DLG2: variants seen among roughly 807,000 people sequenced by gnomAD.
DLG2 encodes the protein disks large homolog 2.
A neutral mutation model predicts 132.5 loss-of-function variants in DLG2; 45 were observed. That is an observed-to-expected ratio of 0.34 (90% CI 0.27 to 0.44). The LOEUF is 0.44. Among genes scored for constraint, DLG2 ranks in the 20% least tolerant of loss-of-function variants. DLG2 has a pLI of 1.00. For synonymous variants in DLG2, 424 were observed against 419.6 expected, an observed-to-expected ratio of 1.01 and a Z score of -0.13; for missense variants, 1,045 against 1,196.9, an observed-to-expected ratio of 0.87 and a Z score of 1.87.
At chr11:85,431,292 G>A (rs1169668481) in intron 3 of DLG2, among the ~76,000 whole-genome samples, 5 of 152,066 alleles carry the variant, frequency 3.3e-5, no homozygotes, top group Non-Finnish European at 7.4e-5. Flanking sequence ...TGGTGCAGTG[G>A]ACCACCTGAG....
intron 6 of DLG2, among the ~76,000 whole-genome samples, chr11:84,742,607 G>C (rs2064832381): frequency 6.6e-6 from 1 of 152,104 alleles, no homozygotes; most frequent in South Asian, 2.1e-4. Context: ...ATCCTCACCA[G>C]AATGTTATAT....
chr11:84,818,499 TTCTTACATTAAATATA>T (rs1317685191), intron 6 of DLG2, among the ~76,000 whole-genome samples: 3 of 151,634 alleles, frequency 2.0e-5, no homozygotes, highest in Non-Finnish European at 4.4e-5. Flanking sequence ...CAATAAATAT[TTCTTACATTAAATATA>T]TTATATAAAT....
At chr11:85,009,226 T>C (rs1432325171) in intron 6 of DLG2, among the ~76,000 whole-genome samples, 4 of 152,050 alleles carry the variant, frequency 2.6e-5, no homozygotes, top group Admixed American at 6.6e-5. Context: ...AGACCTATTA[T>C]AACCAGCCCA....
At position 83,586,257 on chromosome 11, in the gene DLG2, C is replaced by T. The variant is rs540953476; in HGVS notation, c.1941-44399G>A. ...ATTTGTGTGGAGTAAACTTAAGTGT[C>T]ATTCTGTGCCCACTATGTTTACCAA... On this transcript the variant is annotated intron_variant, in intron 19 of 27. Transcript: ENST00000376104. Among the ~76,000 whole-genome samples the T allele has an allele frequency of 5.3e-5, 8 of 152,352 alleles. No homozygotes were observed. In the South Asian group the frequency reaches 1.7e-3, roughly 32 times the overall value.
chr11:85,195,637 C>A (rs1387346703), intron 4 of DLG2, among the ~76,000 whole-genome samples: 1 of 151,548 alleles, frequency 6.6e-6, no homozygotes, highest in Non-Finnish European at 1.5e-5. Context: ...CATTCTCCTG[C>A]CTCAGCCTCC....
At chr11:84,132,134 C>T (rs1305563704) in intron 9 of DLG2, among the ~76,000 whole-genome samples, 1 of 151,926 alleles carries the variant, frequency 6.6e-6, no homozygotes, top group Non-Finnish European at 1.5e-5. Context: ...AAAAGCAGGG[C>T]ATGACCTGTT....
intron 3 of DLG2, among the ~76,000 whole-genome samples, chr11:85,328,988 A>T (rs1391714730): frequency 3.4e-4 from 42 of 123,032 alleles, no homozygotes; most frequent in African/African-American, 1.2e-3. Flanking sequence ...ACAACAGACA[A>T]ACAGAGAGCC....
intron 8 of DLG2, among the ~76,000 whole-genome samples, chr11:84,170,266 T>A (rs1342824733): frequency 6.6e-6 from 1 of 152,146 alleles, no homozygotes; most frequent in Non-Finnish European, 1.5e-5. Context: ...CTCAGGAAAT[T>A]TTTGCAAATT....
intron 7 of DLG2, among the ~76,000 whole-genome samples, chr11:84,286,421 T>G (rs2097910651): frequency 6.6e-6 from 1 of 152,184 alleles, no homozygotes; most frequent in South Asian, 2.1e-4. Flanking sequence ...AGTCTTGTGG[T>G]CTACTCTAGT....
At position 84,098,969 on chromosome 11, in the gene DLG2, T is replaced by C; in HGVS notation, c.703A>G (p.Thr235Ala). 1 of 1,613,584 alleles carries C rather than the reference T, an allele frequency of 6.2e-7. No individual in the cohort carries two copies. The highest frequency in any genetic ancestry group is 8.5e-7 in the Non-Finnish European group (1 of 1,179,710). The change falls in exon 10 of 28, where the codon ACG becomes GCG. Residue 235 changes from threonine to alanine, a missense_variant. By Grantham distance (58) the Thr-to-Ala change is moderately conservative. Transcript: ENST00000376104. ...HIGDDPGIFI[T>A]KIIPGGAAAE... ...GCAGCACCTCCTGGTATAATCTTCG[T>C]AATAAATATGCCAGGGTCATCTCCA... is the stretch of plus-strand genomic sequence containing the variant.
chr11:84,196,621 T>C (rs1274946680), intron 8 of DLG2, among the ~76,000 whole-genome samples: 1 of 152,212 alleles, frequency 6.6e-6, no homozygotes, highest in African/African-American at 2.4e-5. Context: ...ACTGGTATTT[T>C]AGGAAGATTG....
intron 4 of DLG2, among the ~76,000 whole-genome samples, chr11:85,219,698 A>T (rs2082886703): frequency 6.7e-6 from 1 of 148,610 alleles, no homozygotes; most frequent in Non-Finnish European, 1.5e-5. Flanking sequence ...AGTAGCCATT[A>T]AGTTAGGGCC....
At chr11:83,720,303 A>AAAAAAAAAAAAAAAAAAAAAC (rs2088088347) in intron 18 of DLG2, among the ~76,000 whole-genome samples, 1 of 138,568 alleles carries the variant, frequency 7.2e-6, no homozygotes, top group Non-Finnish European at 1.6e-5. Context: ...AGAAAAAAAA[A>AAAAAAAAAAAAAAAAAAAAAC]AAAAAAAAAA....
At chr11:84,173,819 C>T (rs74800407) in intron 8 of DLG2, among the ~76,000 whole-genome samples, 2,355 of 152,136 alleles carry the variant, frequency 0.015, 66 homozygotes, top group African/African-American at 0.053. Flanking sequence ...CAGTATTTGG[C>T]ACTAGAGTGA....
rs572052413 is a variant in DLG2 at position 84,020,060 on chromosome 11, T to G, written c.919+39255A>C. Among the ~76,000 whole-genome samples the G allele has an allele frequency of 2.6e-5, 4 of 152,088 alleles. No individual in the cohort carries two copies. The East Asian group carries it at 7.7e-4, about 29-fold the overall frequency. On this transcript the variant is annotated intron_variant, in intron 11 of 27. Coordinates refer to ENST00000376104, the MANE Select transcript of DLG2 (RefSeq NM_001142699.3). ...TGCCTGTGGGGGATGGCTAAGGAAC[T>G]TCAGGACTAGAGGTGGCCAGGAGAC...
At chr11:84,208,641 G>A (rs1454686108) in intron 8 of DLG2, among the ~76,000 whole-genome samples, 1 of 152,034 alleles carries the variant, frequency 6.6e-6, no homozygotes, top group Non-Finnish European at 1.5e-5. Flanking sequence ...ACCACTCCTG[G>A]CCAGAATAAA....
intron 11 of DLG2, among the ~76,000 whole-genome samples, chr11:84,056,038 G>T (rs958958214): frequency 6.6e-6 from 1 of 151,982 alleles, no homozygotes; most frequent in African/African-American, 2.4e-5. Context: ...CTCAAGGAAG[G>T]TCAGATAAAC....
At chr11:83,976,242 G>A (rs970527071) in intron 12 of DLG2, among the ~76,000 whole-genome samples, 1 of 151,944 alleles carries the variant, frequency 6.6e-6, no homozygotes, top group African/African-American at 2.4e-5. Context: ...AGCCATGAAA[G>A]CCTAAAGAAA....
chr11:84,581,188 T>C lies in DLG2; in HGVS notation c.358-46457A>G, dbSNP rs542245898. ...ACAATAATTATGAGAAGTTCAGTAG[T>C]CTTTTTTCAGTTAGGAATTTTCCTT... On this transcript the variant is annotated intron_variant, in intron 6 of 27. Coordinates refer to ENST00000376104, the MANE Select transcript of DLG2 (RefSeq NM_001142699.3). Among the ~76,000 whole-genome samples the C allele has an allele frequency of 4.6e-5, 7 of 152,316 alleles. No individual in the cohort carries two copies. In the South Asian group the frequency reaches 1.5e-3, roughly 32 times the overall value.
Sources: gnomAD v4.1 joint callset for allele counts (sites outside exome capture counted in the v4.1 genomes callset) on GRCh38, gnomAD v4.1.1 for gene constraint, MANE v1.5 for transcripts, NCBI Gene and HGNC (gene_info 2026-07-23, HGNC 2026-07-21) for gene names.